CEP128: variants seen among roughly 807,000 people sequenced by gnomAD.
CEP128 encodes centrosomal protein 128.
CEP128 carries 132 observed loss-of-function variants against 156.7 expected under a neutral mutation model. The ratio of observed to expected loss-of-function variants is 0.84; its 90% CI spans 0.73 to 0.97. The LOEUF is 0.97. Ranked by LOEUF, CEP128 falls within the 50% of genes least tolerant of loss-of-function variation. The probability of loss-of-function intolerance (pLI) is 0.00; values close to 1 mark genes in which losing one functional copy is unlikely to be tolerated. For missense variants in CEP128, 1,252 were observed against 1,281.9 expected, an observed-to-expected ratio of 0.98 and a Z score of 0.36; for synonymous variants, 469 against 448.9, an observed-to-expected ratio of 1.04 and a Z score of -0.57.
At chr14:80,637,466 C>A (rs1894233407) in intron 19 of CEP128, among the ~76,000 whole-genome samples, 1 of 152,170 alleles carries the variant, frequency 6.6e-6, no homozygotes, top group Admixed American at 6.5e-5. Flanking sequence ...ATTTTCATCT[C>A]ATTTATAAAT....
intron 19 of CEP128, among the ~76,000 whole-genome samples, chr14:80,589,233 C>A (rs555486562): frequency 6.6e-6 from 1 of 152,046 alleles, no homozygotes; most frequent in Non-Finnish European, 1.5e-5. Context: ...GATTTTAGCA[C>A]AGTGAGATCC....
intron 19 of CEP128, among the ~76,000 whole-genome samples, chr14:80,580,867 A>G (rs948566909): frequency 1.3e-5 from 2 of 152,208 alleles, no homozygotes; most frequent in African/African-American, 4.8e-5. Flanking sequence ...CCACCCCTAC[A>G]GTCAATTTTT....
intron 9 of CEP128, among the ~76,000 whole-genome samples, chr14:80,841,316 G>A (rs952719047): frequency 1.3e-5 from 2 of 151,960 alleles, no homozygotes; most frequent in East Asian, 1.9e-4. Flanking sequence ...CTTGTGAAAA[G>A]CCAACTGCCA....
intron 9 of CEP128, among the ~76,000 whole-genome samples, chr14:80,846,395 G>A (rs2140101925): frequency 6.6e-6 from 1 of 152,176 alleles, no homozygotes; most frequent in Admixed American, 6.6e-5. Context: ...GACTCTTCAA[G>A]AACCTAGAAA....
At chr14:80,859,916 T>C (rs1416389596) in intron 9 of CEP128, among the ~76,000 whole-genome samples, 1 of 152,180 alleles carries the variant, frequency 6.6e-6, no homozygotes, top group East Asian at 1.9e-4. Context: ...TAATTTCAAA[T>C]AAAAACTCTT....
At chr14:80,643,988 T>C (rs1414280328) in intron 19 of CEP128, among the ~76,000 whole-genome samples, 1 of 152,172 alleles carries the variant, frequency 6.6e-6, no homozygotes, top group African/African-American at 2.4e-5. Flanking sequence ...ACAGGACTGG[T>C]GTCCTCACAT....
At chr14:80,622,696 A>C (rs1893534197) in intron 19 of CEP128, among the ~76,000 whole-genome samples, 1 of 150,522 alleles carries the variant, frequency 6.6e-6, no homozygotes, top group Non-Finnish European at 1.5e-5. Context: ...CAGCCAAAAA[A>C]CACATGAAAA....
intron 19 of CEP128, among the ~76,000 whole-genome samples, chr14:80,617,687 A>G (rs1893284785): frequency 6.6e-6 from 1 of 152,176 alleles, no homozygotes; most frequent in Admixed American, 6.5e-5. Context: ...TCACGCCTGT[A>G]ACCCAGCACC....
rs117704236 is a variant in CEP128, at chr14:80,862,069, A to G, written c.762+688T>C. Among the ~76,000 whole-genome samples, 1,271 of 152,316 alleles carry G rather than the reference A, an allele frequency of 8.3e-3. 15 individuals carry two copies. Among genetic ancestry groups the G allele is most frequent in the Non-Finnish European group, 0.01 (688 of 68,040 alleles). On this transcript the variant is annotated intron_variant, in intron 9 of 24. Transcript: ENST00000555265. The stretch of plus-strand genomic sequence containing the variant: ...ATTTTCAACTTTATCTATGTCTGCA[A>G]TTTCAAATTAAAAAGAGTACCTTAA...
intron 19 of CEP128, among the ~76,000 whole-genome samples, chr14:80,595,047 C>T (rs1160127287): frequency 6.6e-6 from 1 of 152,160 alleles, no homozygotes; most frequent in African/African-American, 2.4e-5. Context: ...CAGCACTATT[C>T]ACAATAGCAA....
At chr14:80,563,133 A>T (rs1414241566) in intron 20 of CEP128, among the ~76,000 whole-genome samples, 3 of 152,118 alleles carry the variant, frequency 2.0e-5, no homozygotes, top group Non-Finnish European at 2.9e-5. Flanking sequence ...TATAATTTTC[A>T]TTTAAACAGA....
intron 19 of CEP128, among the ~76,000 whole-genome samples, chr14:80,650,508 A>C (rs1389137046): frequency 6.6e-6 from 1 of 152,098 alleles, no homozygotes; most frequent in Non-Finnish European, 1.5e-5. Flanking sequence ...TTTTCAAAGG[A>C]AATGCTTCCA....
rs568182251 is a variant in CEP128 at position 80,477,745 on chromosome 14, TG to T, written c.*972del. ...GTAGGTTGTAGTCTGTTTTTCTGTCTGTTAATGATAGCGTGCTTAAAGTTCT... is the reference window on the plus strand; with the variant it reads ...GTAGGTTGTAGTCTGTTTTTCTGTCTTTAATGATAGCGTGCTTAAAGTTCT... On this transcript the variant is annotated 3_prime_UTR_variant and NMD_transcript_variant, in exon 15 of 15. Transcript: ENST00000554502. 7.7e-4 allele frequency: 118 copies of T among 152,340 alleles called. 1 individual carries two copies. Among genetic ancestry groups the T allele is most frequent in the African/African-American group, 2.7e-3 (114 of 41,562 alleles). 9.4% of individuals were successfully genotyped at this position (152,340 alleles called of 1,614,324 possible).
intron 13 of CEP128, chr14:80,830,765 T>C (rs1439633000): frequency 2.0e-5 from 4 of 198,942 alleles, no homozygotes; most frequent in Non-Finnish European, 4.1e-5. Context: ...CTTTTCACTA[T>C]GCATTCTGCC....
chr14:80,656,289 A>ATT (rs199800277), intron 19 of CEP128, among the ~76,000 whole-genome samples: 4 of 14,342 alleles, frequency 2.8e-4, no homozygotes, highest in African/African-American at 9.7e-4. Context: ...TTATATATAT[A>ATT]TTTATATATA....
intron 19 of CEP128, among the ~76,000 whole-genome samples, chr14:80,681,355 T>C (rs1353506240): frequency 2.0e-5 from 3 of 152,214 alleles, no homozygotes; most frequent in Admixed American, 2.0e-4. Flanking sequence ...AATCTGAATG[T>C]AGCGACACCA....
chr14:80,516,785 C>T (rs1888509720), intron 23 of CEP128, among the ~76,000 whole-genome samples: 2 of 152,218 alleles, frequency 1.3e-5, no homozygotes, highest in Non-Finnish European at 2.9e-5. Context: ...CACACAGATT[C>T]TCTCTCCCAC....
intron 19 of CEP128, among the ~76,000 whole-genome samples, chr14:80,674,066 T>C (rs1449190773): frequency 7.5e-6 from 1 of 133,764 alleles, no homozygotes; most frequent in Non-Finnish European, 1.6e-5. Flanking sequence ...TGCATAATAA[T>C]TCATAGTTTT....
intron 19 of CEP128, among the ~76,000 whole-genome samples, chr14:80,738,243 C>T (rs988420342): frequency 2.0e-5 from 3 of 152,168 alleles, no homozygotes; most frequent in Admixed American, 6.5e-5. Flanking sequence ...AAGATACCTA[C>T]AGTTCGAGAG....
Sources: allele counts gnomAD v4.1 joint callset (sites outside exome capture counted in the v4.1 genomes callset), GRCh38; gene constraint gnomAD v4.1.1; transcripts MANE v1.5; gene names NCBI Gene and HGNC (gene_info 2026-07-23, HGNC 2026-07-21).